Variants in STK31 observed in about 807,000 individuals in gnomAD.
The protein encoded by STK31 is serine/threonine-protein kinase 31.
Under a neutral mutation model 129.7 loss-of-function variants are expected in STK31, and 89 were observed. The ratio of observed to expected loss-of-function variants is 0.69; its 90% confidence interval spans 0.58 to 0.82. The LOEUF (loss-of-function observed/expected upper bound fraction) is 0.82. STK31 is among the 40% of genes least tolerant of loss of function. The pLI is 0.00. For missense variants in STK31, 1,187 were observed against 1,176.4 expected, an observed-to-expected ratio of 1.01 and a Z score of -0.13; for synonymous variants, 448 against 395.3, an observed-to-expected ratio of 1.13 and a Z score of -1.58.
chr7:23,737,885 G>A (rs944465477), intron 8 of STK31, among the ~76,000 whole-genome samples: 1 of 151,430 alleles, frequency 6.6e-6, no homozygotes, highest in South Asian at 2.1e-4. Flanking sequence ...GTGTGTGTGT[G>A]TGTGTGTGTA....
intron 5 of STK31, chr7:23,727,660 T>C: frequency 5.1e-6 from 1 of 196,832 alleles, no homozygotes; most frequent in Non-Finnish European, 9.9e-6. Context: ...CCTCCTAGGT[T>C]CAAGCTATTC....
At chr7:23,727,608 G>T (rs1361618361) in intron 5 of STK31, 3 of 274,804 alleles carry the variant, frequency 1.1e-5, no homozygotes, top group Admixed American at 7.7e-5. Context: ...TGTCGCCCAG[G>T]CTGGAGTGCA....
chr7:23,730,362 T>G (rs1385217273), intron 6 of STK31, among the ~76,000 whole-genome samples: 1 of 152,206 alleles, frequency 6.6e-6, no homozygotes, highest in Non-Finnish European at 1.5e-5. Flanking sequence ...TGCTATGTAG[T>G]TACTTATAAA....
chr7:23,769,872 T>G, intron 13 of STK31, 116 bp downstream of exon 13: 1 of 574,270 alleles, frequency 1.7e-6, no homozygotes, highest in Admixed American at 2.8e-5. Flanking sequence ...GTATTAAGAC[T>G]GATCTTAGCT....
intron 4 of STK31, chr7:23,721,391 G>A (rs1355063625): frequency 3.0e-5 from 31 of 1,043,902 alleles, no homozygotes; most frequent in Non-Finnish European, 4.3e-5. Context: ...TAAATTTTGA[G>A]GTGGCTCCTC....
intron 15 of STK31, among the ~76,000 whole-genome samples, chr7:23,779,275 G>C (rs113086752): frequency 1.1e-4 from 17 of 152,248 alleles, no homozygotes; most frequent in Admixed American, 7.8e-4. Context: ...GGTGTCTGTC[G>C]TCCCCTGCTG....
In STK31 at chr7:23,812,023, G is replaced by GT. The variant is rs1554297726; in HGVS notation, c.2761-3114dup. Reference sequence around the variant, plus strand: ...AGTCTGTGGTATTAGTCATATTTCTGTTTTTTTCCATTGTTATTTCTTCCT... The same window carrying GT: ...AGTCTGTGGTATTAGTCATATTTCTGTTTTTTTTCCATTGTTATTTCTTCCT... On this transcript the variant is annotated intron_variant, in intron 22 of 23. Transcript: ENST00000355870. 3.3e-5 allele frequency among the ~76,000 whole-genome samples: 5 copies of GT among 152,028 alleles called. No homozygotes were observed. The South Asian group carries it at 6.2e-4, about 19-fold the overall frequency.
At position 23,786,915 on chromosome 7, in the gene STK31, A is replaced by C. The variant is rs1451305023; in HGVS notation, c.2478A>C (p.Leu826Phe). The C allele has an allele frequency of 6.2e-7, 1 of 1,613,654 alleles. No individual in the cohort carries two copies. The highest frequency in any genetic ancestry group is 8.5e-7 in the Non-Finnish European group (1 of 1,179,714). ...NLNAVQANMP[L>F]NSEETLKVMK... ...ATGCTGTTCAAGCCAACATGCCTTT[A>C]AATTCAGAAGTAAGTAAAAAGCACT... Residue 826 changes from leucine to phenylalanine, a missense_variant, in exon 20 of 24, where the codon TTA (leucine) becomes TTC (phenylalanine). Leu to Phe is a conservative substitution (Grantham distance 22). Around this residue, in one of 5 missense-constraint regions of STK31, gnomAD observed 975 missense variants for 934.9 expected, o/e 1.04. Transcript: ENST00000355870.
intron 22 of STK31, among the ~76,000 whole-genome samples, chr7:23,800,721 C>T (rs1584469772): frequency 6.6e-6 from 1 of 151,548 alleles, no homozygotes; most frequent in East Asian, 1.9e-4. Flanking sequence ...ACGTTCTTCA[C>T]GTGTATCCCA....
chr7:23,774,000 C>G (rs1022853510), intron 15 of STK31, among the ~76,000 whole-genome samples: 3 of 150,618 alleles, frequency 2.0e-5, no homozygotes, highest in Admixed American at 1.3e-4. Context: ...TCCCATTGTT[C>G]AGTTCCCACC....
chr7:23,754,527 G>C (rs1423972910), intron 10 of STK31, 53 bp downstream of exon 10: 3 of 1,510,504 alleles, frequency 2.0e-6, no homozygotes, highest in Admixed American at 2.2e-5. Flanking sequence ...ACATAAGGAA[G>C]TGTTTTTTTA....
intron 4 of STK31, among the ~76,000 whole-genome samples, chr7:23,721,156 A>G (rs927050674): frequency 2.0e-5 from 3 of 152,224 alleles, no homozygotes; most frequent in Non-Finnish European, 2.9e-5. Flanking sequence ...ATTCTTTTAC[A>G]TTATTATTGT....
At chr7:23,777,242 A>G (rs1339791311) in intron 15 of STK31, among the ~76,000 whole-genome samples, 2 of 152,196 alleles carry the variant, frequency 1.3e-5, no homozygotes, top group African/African-American at 4.8e-5. Context: ...TTTACTTCCA[A>G]CTGTGTGGTC....
intron 11 of STK31, among the ~76,000 whole-genome samples, chr7:23,767,190 C>T (rs1393863722): frequency 1.3e-5 from 2 of 152,096 alleles, no homozygotes; most frequent in Non-Finnish European, 2.9e-5. Context: ...ACTGATTTTG[C>T]TTCCTTTTTA....
At chr7:23,793,045 T>G (rs1374699282) in intron 22 of STK31, among the ~76,000 whole-genome samples, 2 of 152,166 alleles carry the variant, frequency 1.3e-5, no homozygotes, top group African/African-American at 4.8e-5. Flanking sequence ...GATACTGCTG[T>G]GAAGTTAGAT....
chr7:23,824,450 T>C (rs1337924488), intron 23 of STK31, among the ~76,000 whole-genome samples: 1 of 152,252 alleles, frequency 6.6e-6, no homozygotes, highest in East Asian at 1.9e-4. Flanking sequence ...ATTGATTTTG[T>C]ATCCTGAGAC....
intron 3 of STK31, among the ~76,000 whole-genome samples, chr7:23,713,871 AAT>A (rs1313988764): frequency 6.6e-6 from 1 of 151,002 alleles, no homozygotes; most frequent in Admixed American, 6.6e-5. Flanking sequence ...AGTAAAAAAA[AAT>A]ATATATATAC....
At chr7:23,743,640 C>G (rs1230538539) in intron 8 of STK31, among the ~76,000 whole-genome samples, 1 of 152,124 alleles carries the variant, frequency 6.6e-6, no homozygotes, top group Admixed American at 6.5e-5. Context: ...TCTGTTTAGG[C>G]ATCTCTGAAC....
intron 20 of STK31, among the ~76,000 whole-genome samples, chr7:23,787,722 TGCCCAAAAGG>T (rs1791369134): frequency 6.7e-6 from 1 of 149,184 alleles, no homozygotes; most frequent in African/African-American, 2.5e-5. Context: ...CGGTCCCTGG[TGCCCAAAAGG>T]TATGATTGTA....
Sources: allele counts gnomAD v4.1 joint callset (sites outside exome capture counted in the v4.1 genomes callset), GRCh38; gene constraint gnomAD v4.1.1; regional missense constraint gnomAD v4.1.1; transcripts MANE v1.5; gene names NCBI Gene and HGNC (gene_info 2026-07-23, HGNC 2026-07-21).